Variants in CYBRD1 observed in about 807,000 individuals in gnomAD.
CYBRD1 encodes cytochrome b reductase 1, also known as plasma membrane ascorbate-dependent reductase CYBRD1.
CYBRD1 carries 14 observed loss-of-function variants against 21.9 expected under a neutral mutation model. The ratio of observed to expected loss-of-function variants is 0.64; its 90% CI spans 0.42 to 1.00. The LOEUF (loss-of-function observed/expected upper bound fraction) is 1.00, where lower values mean the gene tolerates loss of function less well. Ranked by LOEUF, CYBRD1 falls within the 50% of genes least tolerant of loss-of-function variation. The pLI is 0.00. For missense variants in CYBRD1, 328 were observed against 352.5 expected, an observed-to-expected ratio of 0.93 and a Z score of 0.56; for synonymous variants, 146 against 136.5, an observed-to-expected ratio of 1.07 and a Z score of -0.48.
chr2:171,541,868 T>C (rs1029753945), intron 2 of CYBRD1, 75 bp downstream of exon 2: 143 of 1,350,800 alleles, frequency 1.1e-4, no homozygotes, highest in East Asian at 4.2e-4. Context: ...TTTCTTTTTT[T>C]TTTTTTTTTT....
chr2:171,525,066 T>C (rs903677430), intron 1 of CYBRD1, among the ~76,000 whole-genome samples: 3 of 152,172 alleles, frequency 2.0e-5, no homozygotes, highest in African/African-American at 7.2e-5. Context: ...GCCTCCCCAG[T>C]AGCTGGGATT....
At chr2:171,522,433 G>C, upstream of CYBRD1, 7 of 1,521,752 alleles carry the variant, frequency 4.6e-6, no homozygotes, top group Non-Finnish European at 5.3e-6. This position sits in a 1 kb window ranked among gnomAD's most constrained non-coding sequence, Gnocchi z 4.3. Flanking sequence ...CCCGCAGGCG[G>C]AGACAGCCCC....
intron 1 of CYBRD1, among the ~76,000 whole-genome samples, chr2:171,533,479 C>T (rs925345820): frequency 6.6e-6 from 1 of 152,226 alleles, no homozygotes; most frequent in African/African-American, 2.4e-5. Context: ...CTTCATGAAT[C>T]ACAAGATTTA....
rs552488923 is a variant in CYBRD1 at position 171,554,992 on chromosome 2, T to A, written c.*165T>A. 1 of 702,582 alleles carries A rather than the reference T, an allele frequency of 1.4e-6. No homozygotes were observed. Among genetic ancestry groups the A allele is most frequent in the East Asian group, 2.7e-5 (1 of 36,956 alleles). 43.5% of individuals were successfully genotyped at this position (702,582 alleles called of 1,614,324 possible). A position where few individuals can be genotyped will look rare whatever the true frequency, so the allele number is the denominator to read the frequency against. ...TTTGTATTGATTGAGGCCTATGAACTGACCTGAATTGGAAAGGATGTGATT... is the reference window on the plus strand; with the variant it reads ...TTTGTATTGATTGAGGCCTATGAACAGACCTGAATTGGAAAGGATGTGATT... On this transcript the variant is annotated 3_prime_UTR_variant, in exon 4 of 4. Transcript: ENST00000321348.
intron 2 of CYBRD1, among the ~76,000 whole-genome samples, chr2:171,551,823 T>TC (rs1357848601): frequency 6.6e-6 from 1 of 152,234 alleles, no homozygotes; most frequent in Non-Finnish European, 1.5e-5. Flanking sequence ...GCAACTGATC[T>TC]CAAGTATAAA....
rs1381430342 is a variant in CYBRD1, at chr2:171,553,400, G to T, written c.457G>T (p.Ala153Ser). 1 of 1,613,528 alleles carries T rather than the reference G, an allele frequency of 6.2e-7. No homozygotes were observed. Among genetic ancestry groups the T allele is most frequent in the Non-Finnish European group, 8.5e-7 (1 of 1,179,780 alleles). ...LLPWAPLSLR[A>S]FLMPIHVYSG... The stretch of plus-strand genomic sequence containing the variant: ...TCCATGGGCTCCGCTTTCTCTCCGA[G>T]CATTTCTCATGCCCATACATGTTTA... The change falls in exon 3 of 4, where the codon GCA becomes TCA. Residue 153 changes from alanine to serine, a missense_variant. Transcript: ENST00000321348.
At position 171,522,514 on chromosome 2, in the gene CYBRD1, G is replaced by A; in HGVS notation, c.-32G>A. On this transcript the variant is annotated 5_prime_UTR_variant, in exon 1 of 4. In the 5' UTR this introduces an upstream ATG that the reference lacks. Coordinates refer to ENST00000321348, the MANE Select transcript of CYBRD1 (RefSeq NM_024843.4). The surrounding 1 kb of genome is among the most constrained non-coding windows in gnomAD (Gnocchi z 4.3). ...GCTGCCGCCGCCTCTCCAAGTTCTTGTGGCCCCCGCGGTGCGGAGTATGGG... is the reference window on the plus strand; with the variant it reads ...GCTGCCGCCGCCTCTCCAAGTTCTTATGGCCCCCGCGGTGCGGAGTATGGG... The A allele has an allele frequency of 6.4e-7, 1 of 1,568,872 alleles. No homozygotes were observed. Among genetic ancestry groups the A allele is most frequent in the Non-Finnish European group, 8.6e-7 (1 of 1,157,964 alleles).
chr2:171,533,170 G>A (rs1046612010), intron 1 of CYBRD1, among the ~76,000 whole-genome samples: 3 of 151,484 alleles, frequency 2.0e-5, no homozygotes, highest in Non-Finnish European at 2.9e-5. Flanking sequence ...AGTTCGAGAC[G>A]AGCCTGGCCA....
Position 171,553,387 on chromosome 2 carries a change from G to T in CYBRD1, c.444G>T (p.Pro148=), listed in dbSNP as rs202158377. 8 of 1,613,532 alleles carry T rather than the reference G, an allele frequency of 5.0e-6. No individual in the cohort carries two copies. In the African/African-American group the frequency reaches 8.0e-5, roughly 16 times the overall value. ...CAGTCTTTCTGCTTCCATGGGCTCC[G>T]CTTTCTCTCCGAGCATTTCTCATGC... ...GFSVFLLPWA[P]LSLRAFLMPI... is the part of the protein sequence containing the mutation. The change falls in exon 3 of 4, where the codon CCG becomes CCT. Residue 148 remains proline, a synonymous_variant. Transcript: ENST00000321348.
At chr2:171,528,599 T>C (rs1697418299) in intron 1 of CYBRD1, among the ~76,000 whole-genome samples, 1 of 152,222 alleles carries the variant, frequency 6.6e-6, no homozygotes, top group African/African-American at 2.4e-5. Flanking sequence ...TCTTTGGTGG[T>C]CAATCTTATC....
chr2:171,535,843 T>A (rs1697536196), intron 1 of CYBRD1, among the ~76,000 whole-genome samples: 1 of 152,098 alleles, frequency 6.6e-6, no homozygotes, highest in African/African-American at 2.4e-5. Context: ...TTTCACTGGG[T>A]TGCCCAAGCT....
chr2:171,551,957 T>A (rs1050777785), intron 2 of CYBRD1, among the ~76,000 whole-genome samples: 3 of 152,176 alleles, frequency 2.0e-5, no homozygotes, highest in Non-Finnish European at 4.4e-5. Flanking sequence ...TTTTTTTTTC[T>A]TGCTTAACTC....
chr2:171,556,215 G>A lies in CYBRD1; in HGVS notation c.*1388G>A, dbSNP rs1437568651. ...TTTTTTCTTCAGGATTTTAGCTGCT[G>A]AACAACTTTCAGTTTGGAGCTAAAA... On this transcript the variant is annotated 3_prime_UTR_variant, in exon 4 of 4. Coordinates refer to ENST00000321348, the MANE Select transcript of CYBRD1 (RefSeq NM_024843.4). 2 of 152,158 alleles carry A rather than the reference G, an allele frequency of 1.3e-5. No individual in the cohort carries two copies. Among genetic ancestry groups the A allele is most frequent in the Admixed American group, 6.5e-5 (1 of 15,276 alleles). The allele number at this position is 152,158 out of a possible 1,614,324, so 9.4% of individuals were successfully genotyped here. A position where few individuals can be genotyped will look rare whatever the true frequency, so the allele number is the denominator to read the frequency against.
In CYBRD1 at chr2:171,523,016, G is replaced by A. The variant is rs533268769; in HGVS notation, c.193+278G>A. 6.3e-3 allele frequency: 3,040 copies of A among 484,178 alleles called. 52 individuals carry two copies. The highest frequency in any genetic ancestry group is 6.0e-3 in the Non-Finnish European group (1,617 of 271,232). The allele number at this position is 484,178 out of a possible 1,614,324, so 30.0% of individuals were successfully genotyped here. ...TGCTGGGGGCGGCGGAGCGGGGCCG[G>A]CCCCACTTGGTTAACTCTTTGCGGC... On this transcript the variant is annotated intron_variant, in intron 1 of 3. Transcript: ENST00000321348.
chr2:171,522,947 G>C lies in CYBRD1; in HGVS notation c.193+209G>C, dbSNP rs1217103963. The C allele has an allele frequency of 1.1e-5, 8 of 755,338 alleles. No individual in the cohort carries two copies. Among genetic ancestry groups the C allele is most frequent in the Non-Finnish European group, 1.4e-5 (7 of 494,554 alleles). 46.8% of individuals were successfully genotyped at this position (755,338 alleles called of 1,614,324 possible). A position where few individuals can be genotyped will look rare whatever the true frequency, so the allele number is the denominator to read the frequency against. ...GCGGGACAGAGCTGCGGTTCAGGAG[G>C]ATCGCCGCGAGCGCGGGGCCGGGGG... On this transcript the variant is annotated intron_variant, in intron 1 of 3. Transcript: ENST00000321348. This position sits in a 1 kb window ranked among gnomAD's most constrained non-coding sequence, Gnocchi z 4.3.
chr2:171,536,448 G>A (rs888064607), intron 1 of CYBRD1, among the ~76,000 whole-genome samples: 1 of 152,108 alleles, frequency 6.6e-6, no homozygotes, highest in African/African-American at 2.4e-5. Flanking sequence ...TGGGATTACA[G>A]ACATGCACCA....
At chr2:171,546,240 G>T (rs577659918) in intron 2 of CYBRD1, among the ~76,000 whole-genome samples, 13 of 152,298 alleles carry the variant, frequency 8.5e-5, no homozygotes, top group Non-Finnish European at 1.5e-5. Context: ...GTTGGTGACC[G>T]TGGACCAAGT....
intron 1 of CYBRD1, among the ~76,000 whole-genome samples, chr2:171,528,697 T>G (rs1697419426): frequency 1.3e-5 from 2 of 152,218 alleles, no homozygotes. Flanking sequence ...GAACTCCAAA[T>G]CCAAATATCT....
chr2:171,531,316 T>G (rs1350656321), intron 1 of CYBRD1, among the ~76,000 whole-genome samples: 3 of 152,208 alleles, frequency 2.0e-5, no homozygotes, highest in African/African-American at 7.2e-5. Flanking sequence ...CTTCATATTA[T>G]CCTATCCATT....
Sources: gnomAD v4.1 joint callset for allele counts (sites outside exome capture counted in the v4.1 genomes callset) on GRCh38, gnomAD v4.1.1 for gene constraint, Gnocchi (gnomAD v3.1) non-coding constraint, MANE v1.5 for transcripts, NCBI Gene and HGNC (gene_info 2026-07-23, HGNC 2026-07-21) for gene names.